The following KCNIP4 variants were observed in gnomAD, a reference collection of about 807,000 sequenced individuals.
KCNIP4 encodes Kv channel-interacting protein 4.
In KCNIP4, 12 loss-of-function variants were observed where a neutral mutation model predicts 34.0. The observed-to-expected ratio is 0.35, with a 90% CI of 0.23 to 0.57. The LOEUF is 0.57. Ranked by LOEUF, KCNIP4 falls within the 20% of genes least tolerant of loss-of-function variation. The probability of loss-of-function intolerance (pLI) is 0.83; values close to 1 mark genes in which losing one functional copy is unlikely to be tolerated. For missense variants in KCNIP4, 238 were observed against 311.7 expected (o/e 0.76, Z 1.78); for synonymous variants, 124 against 102.2 (o/e 1.21, Z -1.29).
chr4:21,378,451 G>T (rs568229178), intron 1 of KCNIP4, among the ~76,000 whole-genome samples: 27 of 152,242 alleles, frequency 1.8e-4, no homozygotes, highest in African/African-American at 5.8e-4. Flanking sequence ...TAGAGGGTGG[G>T]ATGAAGTAAA....
intron 1 of KCNIP4, among the ~76,000 whole-genome samples, chr4:21,432,520 A>T (rs2109672134): frequency 6.6e-6 from 1 of 152,264 alleles, no homozygotes; most frequent in East Asian, 1.9e-4. Context: ...TCTATTTACA[A>T]GTGCAAAACA....
intron 1 of KCNIP4, among the ~76,000 whole-genome samples, chr4:21,223,225 G>C (rs192317031): frequency 6.6e-6 from 1 of 152,274 alleles, no homozygotes; most frequent in Non-Finnish European, 1.5e-5. Flanking sequence ...GAGAGAGCAA[G>C]ATACTGGAAG....
chr4:21,501,715 T>TGTGTGTGCGCGC (rs569245544), intron 1 of KCNIP4, among the ~76,000 whole-genome samples: 3 of 150,732 alleles, frequency 2.0e-5, no homozygotes, highest in African/African-American at 7.3e-5. Flanking sequence ...TGTGTGTGTG[T>TGTGTGTGCGCGC]GCGTTGGAAG....
intron 1 of KCNIP4, among the ~76,000 whole-genome samples, chr4:20,974,404 A>T (rs748401476): frequency 6.6e-6 from 1 of 151,962 alleles, no homozygotes; most frequent in Non-Finnish European, 1.5e-5. Context: ...AGGGTGGTAT[A>T]AAAGAGAGGG....
chr4:20,792,320 C>A (rs1191955264), intron 3 of KCNIP4, among the ~76,000 whole-genome samples: 6 of 151,982 alleles, frequency 3.9e-5, no homozygotes, highest in Admixed American at 3.9e-4. Context: ...TTGCAGTGAA[C>A]CGAGATTGCA....
intron 1 of KCNIP4, among the ~76,000 whole-genome samples, chr4:21,928,327 G>C (rs970145713): frequency 6.6e-6 from 1 of 151,966 alleles, no homozygotes; most frequent in Non-Finnish European, 1.5e-5. Context: ...CTTAAAAAAT[G>C]GTCTTGCATG....
At chr4:21,074,214 A>T (rs1221124613) in intron 1 of KCNIP4, among the ~76,000 whole-genome samples, 7 of 152,168 alleles carry the variant, frequency 4.6e-5, no homozygotes, top group Non-Finnish European at 1.0e-4. Context: ...AAGGAATGGT[A>T]TCAGCTCCTC....
intron 1 of KCNIP4, among the ~76,000 whole-genome samples, chr4:20,984,511 CT>C (rs1736395401): frequency 1.3e-5 from 2 of 152,166 alleles, no homozygotes; most frequent in South Asian, 4.1e-4. Flanking sequence ...CCTACAGGCC[CT>C]TCCTGAAAGC....
At chr4:20,955,884 G>C (rs1376085701) in intron 1 of KCNIP4, among the ~76,000 whole-genome samples, 1 of 152,040 alleles carries the variant, frequency 6.6e-6, no homozygotes, top group East Asian at 1.9e-4. Flanking sequence ...TTTTACTTCA[G>C]AGCAAATGGG....
intron 1 of KCNIP4, among the ~76,000 whole-genome samples, chr4:20,958,891 A>G (rs1560601472): frequency 6.6e-6 from 1 of 152,218 alleles, no homozygotes; most frequent in African/African-American, 2.4e-5. Context: ...AAACTGATGG[A>G]CATACACAGC....
intron 1 of KCNIP4, among the ~76,000 whole-genome samples, chr4:21,199,497 A>C (rs1010887758): frequency 2.0e-5 from 3 of 152,002 alleles, no homozygotes; most frequent in South Asian, 4.2e-4. Context: ...GATTGTGAAA[A>C]TTTTCTCCCA....
At chr4:21,165,924 G>C (rs1002955033) in intron 1 of KCNIP4, among the ~76,000 whole-genome samples, 2 of 152,162 alleles carry the variant, frequency 1.3e-5, no homozygotes, top group Admixed American at 6.6e-5. Context: ...TCTTGAGAGC[G>C]TGAGTTTACC....
chr4:21,815,849 A>C (rs910432127), intron 1 of KCNIP4, among the ~76,000 whole-genome samples: 2 of 152,188 alleles, frequency 1.3e-5, no homozygotes, highest in Non-Finnish European at 2.9e-5. Context: ...CATCTGTCCC[A>C]TCTAGACTAC....
At chr4:21,599,528 A>C (rs1233985601) in intron 1 of KCNIP4, among the ~76,000 whole-genome samples, 22 of 152,076 alleles carry the variant, frequency 1.4e-4, no homozygotes, top group Admixed American at 1.4e-3. Context: ...AGTACCATAA[A>C]TGGATTGACT....
chr4:21,025,712 C>T, intron 1 of KCNIP4, among the ~76,000 whole-genome samples: 1 of 151,662 alleles, frequency 6.6e-6, no homozygotes, highest in Non-Finnish European at 1.5e-5. Flanking sequence ...CACCACCACG[C>T]CCGGCTAATT....
chr4:21,897,014 C>A (rs569191106), intron 1 of KCNIP4, among the ~76,000 whole-genome samples: 1 of 151,742 alleles, frequency 6.6e-6, no homozygotes, highest in Non-Finnish European at 1.5e-5. Flanking sequence ...TGTTTATACC[C>A]TGGCTATAGT....
At position 21,268,895 on chromosome 4, in the gene KCNIP4, G is replaced by C. The variant is rs541847611; in HGVS notation, c.62-386186C>G. On this transcript the variant is annotated intron_variant, in intron 1 of 8. Coordinates refer to ENST00000382152, the MANE Select transcript of KCNIP4 (RefSeq NM_025221.6). ...ATGAGGATGTTTGACCTAGGCTAAG[G>C]TGCATGTGGGGTGTGTCTATCAGGC... is the stretch of plus-strand genomic sequence containing the variant. Among the ~76,000 whole-genome samples the C allele has an allele frequency of 2.0e-5, 3 of 152,332 alleles. No individual in the cohort carries two copies. In the South Asian group the frequency reaches 6.2e-4, roughly 32 times the overall value.
chr4:20,781,669 A>G (rs948882014), intron 3 of KCNIP4, among the ~76,000 whole-genome samples: 1 of 152,188 alleles, frequency 6.6e-6, no homozygotes, highest in Non-Finnish European at 1.5e-5. Context: ...CATGATTCAA[A>G]TTATCTCCCA....
rs142014797 is a variant in KCNIP4, at chr4:21,750,310, G to A, written c.61+198261C>T. ...ACATGCCAAAAAGAAGCTGTAAAATGCTTCCTTAAAGTGAAAAGGTAAAAG... is the reference window on the plus strand; with the variant it reads ...ACATGCCAAAAAGAAGCTGTAAAATACTTCCTTAAAGTGAAAAGGTAAAAG... On this transcript the variant is annotated intron_variant, in intron 1 of 8. Coordinates refer to ENST00000382152, the MANE Select transcript of KCNIP4 (RefSeq NM_025221.6). Among the ~76,000 whole-genome samples, 1,331 of 152,258 alleles carry A rather than the reference G, an allele frequency of 8.7e-3. 19 individuals are homozygous for A. Among genetic ancestry groups the A allele is most frequent in the South Asian group, 0.039 (188 of 4,820 alleles).
Sources: gnomAD v4.1 joint callset for allele counts (sites outside exome capture counted in the v4.1 genomes callset) on GRCh38, gnomAD v4.1.1 for gene constraint, MANE v1.5 for transcripts, NCBI Gene and HGNC (gene_info 2026-07-23, HGNC 2026-07-21) for gene names.